Variants in USH1C observed in about 807,000 individuals in gnomAD.
USH1C encodes harmonin.
A neutral mutation model predicts 119.3 loss-of-function variants in USH1C; 90 were observed. The observed-to-expected ratio is 0.75, with a 90% CI of 0.64 to 0.90. USH1C has a LOEUF of 0.90. USH1C is among the 40% of genes least tolerant of loss of function. USH1C has a pLI of 0.00. For missense variants in USH1C, 1,165 were observed against 1,167.7 expected (o/e 1.00, Z 0.03); for synonymous variants, 465 against 443.3 (o/e 1.05, Z -0.62).
chr11:17,527,563 A>T (rs1471219013), intron 4 of USH1C, among the ~76,000 whole-genome samples: 1 of 152,106 alleles, frequency 6.6e-6, no homozygotes, highest in Non-Finnish European at 1.5e-5. Context: ...TGGAGAAACC[A>T]AGACAGGGGT....
Position 17,501,490 on chromosome 11 carries a change from T to A in USH1C, c.2272A>T (p.Ile758Phe), listed in dbSNP as rs145832659. The A allele has an allele frequency of 3.7e-6, 6 of 1,613,030 alleles. No individual in the cohort carries two copies. The highest frequency in any genetic ancestry group is 5.1e-6 in the Non-Finnish European group (6 of 1,179,604). Residue 758 changes from isoleucine (I) to phenylalanine (F), a missense_variant, in exon 22 of 27, where the codon ATC becomes TTC. By Grantham distance (21) the Ile-to-Phe change is conservative. Coordinates refer to ENST00000005226, the MANE Select transcript of USH1C (RefSeq NM_153676.4). ...IMGKDVRLLR[I>F]KKEGSLDLAL... Reference sequence around the variant, plus strand: ...TCCACATGCCCAGGTACCTTCTTGATGCGTAGGAGCCGGACATCCTTCCCC... The same window carrying A: ...TCCACATGCCCAGGTACCTTCTTGAAGCGTAGGAGCCGGACATCCTTCCCC...
chr11:17,530,497 T>C (rs1416526463), intron 4 of USH1C, among the ~76,000 whole-genome samples: 3 of 152,252 alleles, frequency 2.0e-5, no homozygotes, highest in Non-Finnish European at 4.4e-5. Context: ...CTTGTGAGCA[T>C]GTGACCTGGC....
At chr11:17,506,213 G>A (rs556692549) in intron 18 of USH1C, among the ~76,000 whole-genome samples, 1 of 152,328 alleles carries the variant, frequency 6.6e-6, no homozygotes, top group African/African-American at 2.4e-5. Flanking sequence ...GGGGGTGCCA[G>A]CAGCCAGTGT....
Position 17,527,322 on chromosome 11 carries a change from C to T in USH1C, c.397G>A (p.Glu133Lys), listed in dbSNP as rs758424766. The change falls in exon 5 of 27, where the codon GAG becomes AAG. Residue 133 changes from glutamate (E) to lysine (K), a missense_variant. Glu to Lys is a moderately conservative substitution (Grantham distance 56). Transcript: ENST00000005226. ...ADSVGLQVGD[E>K]IVRINGYSIS... ...GAATATCCATTGATCCGGACGATCTCGTCCCCTACCTTGACCACAGAGAGA... is the reference window on the plus strand; with the variant it reads ...GAATATCCATTGATCCGGACGATCTTGTCCCCTACCTTGACCACAGAGAGA... 7 of 1,611,438 alleles carry T rather than the reference C, an allele frequency of 4.3e-6. No individual in the cohort carries two copies. Among genetic ancestry groups the T allele is most frequent in the Non-Finnish European group, 5.1e-6 (6 of 1,179,782 alleles).
chr11:17,507,887 A>G (rs1849711216), intron 18 of USH1C, among the ~76,000 whole-genome samples: 3 of 152,192 alleles, frequency 2.0e-5, no homozygotes, highest in African/African-American at 7.2e-5. Flanking sequence ...GGTGTCTTCA[A>G]TCTTCAGTTA....
At position 17,531,410 on chromosome 11, in the gene USH1C, G is replaced by T. The variant is rs1187656838; in HGVS notation, c.237C>A (p.Pro79=). The change falls in exon 3 of 27, where the codon CCC becomes CCA. Residue 79 remains proline, a synonymous_variant. Transcript: ENST00000005226. The surrounding 1 kb of genome is among the most constrained non-coding windows in gnomAD (Gnocchi z 4.2). ...GGCTTCCTCTGCACCTGGAGCGCCG[G>T]GGGGTCAGCTGATCATATTCCACCT... ...KHQVEYDQLT[P]RRSRKLKEVR... 1 of 1,613,786 alleles carries T rather than the reference G, an allele frequency of 6.2e-7. No homozygotes were observed. Among genetic ancestry groups the T allele is most frequent in the Non-Finnish European group, 8.5e-7 (1 of 1,179,928 alleles).
intron 7 of USH1C, 27 bp downstream of exon 7, chr11:17,526,726 C>T (rs760719187): frequency 1.9e-6 from 3 of 1,612,102 alleles, no homozygotes; most frequent in Non-Finnish European, 2.5e-6. Context: ...CCCACCCAAA[C>T]CCCATCACAG....
Position 17,516,225 on chromosome 11 carries a change from C to A in USH1C, c.1260+16G>T, listed in dbSNP as rs978660665. The A allele has an allele frequency of 1.2e-6, 2 of 1,613,530 alleles. No individual in the cohort carries two copies. Among genetic ancestry groups the A allele is most frequent in the African/African-American group, 1.3e-5 (1 of 74,926 alleles). ...AACTAAGCAGCACACCAGCACAGCACCCAACCCTGTCCTACCTTCCGGATG... is the reference window on the plus strand; with the variant it reads ...AACTAAGCAGCACACCAGCACAGCAACCAACCCTGTCCTACCTTCCGGATG... On this transcript the variant is annotated intron_variant, in intron 15 of 26. Transcript: ENST00000005226.
chr11:17,502,182 G>T, intron 20 of USH1C: 1 of 561,354 alleles, frequency 1.8e-6, no homozygotes, highest in Non-Finnish European at 3.2e-6. Context: ...CAAGCAGGAG[G>T]CTGAGGAAGA....
chr11:17,530,462 C>T (rs1003832582), intron 4 of USH1C, among the ~76,000 whole-genome samples: 6 of 152,336 alleles, frequency 3.9e-5, no homozygotes, highest in South Asian at 2.1e-4. Flanking sequence ...GGGCACGATC[C>T]GTTCAATGCA....
chr11:17,498,300 C>T, intron 23 of USH1C, 29 bp from the exon 24 acceptor site: 1 of 1,607,288 alleles, frequency 6.2e-7, no homozygotes, highest in Non-Finnish European at 8.5e-7. Context: ...GATTGGCCAA[C>T]TGGGCTGTAT....
At chr11:17,539,874 C>T (rs1486030869) in intron 1 of USH1C, among the ~76,000 whole-genome samples, 2 of 147,256 alleles carry the variant, frequency 1.4e-5, no homozygotes, top group Admixed American at 6.8e-5. Flanking sequence ...ACTCTGTCAC[C>T]CAAGCTGGAG....
intron 18 of USH1C, among the ~76,000 whole-genome samples, chr11:17,508,257 G>T (rs116909048): frequency 1.3e-5 from 2 of 152,186 alleles, no homozygotes; most frequent in African/African-American, 4.8e-5. Flanking sequence ...CAGGGCTCAC[G>T]ACCCCAACCA....
intron 1 of USH1C, among the ~76,000 whole-genome samples, chr11:17,542,103 T>C (rs1209871824): frequency 1.3e-5 from 2 of 152,238 alleles, no homozygotes; most frequent in African/African-American, 4.8e-5. Flanking sequence ...ATTCGTTAAA[T>C]ATTGTTATCT....
intron 12 of USH1C, among the ~76,000 whole-genome samples, chr11:17,521,920 C>T (rs1312766152): frequency 2.6e-5 from 4 of 152,184 alleles, no homozygotes; most frequent in Non-Finnish European, 1.5e-5. Flanking sequence ...CCTCTGCCTC[C>T]CAGGTTCAAG....
In USH1C at chr11:17,494,168, C is replaced by T. The variant is rs1250339632; in HGVS notation, c.*164G>A. 5 of 846,896 alleles carry T rather than the reference C, an allele frequency of 5.9e-6. No individual in the cohort carries two copies. The highest frequency in any genetic ancestry group is 1.7e-5 in the African/African-American group (1 of 58,974). The allele number at this position is 846,896 out of a possible 1,614,324, so 52.5% of individuals were successfully genotyped here. On this transcript the variant is annotated 3_prime_UTR_variant, in exon 27 of 27. Coordinates refer to ENST00000005226, the MANE Select transcript of USH1C (RefSeq NM_153676.4). ...CACGTTGGCCTTCAGAAGAGTGGCC[C>T]GAGCTGTTCCTTATCTGGCCCTGGT...
intron 20 of USH1C, among the ~76,000 whole-genome samples, chr11:17,504,126 C>T (rs1249510128): frequency 1.3e-5 from 2 of 152,150 alleles, no homozygotes; most frequent in African/African-American, 4.8e-5. Flanking sequence ...ACTCAGAGGA[C>T]CAGCAAGGAC....
Position 17,531,612 on chromosome 11 carries a change from A to G in USH1C, c.105-70T>C. 3.8e-6 allele frequency: 6 copies of G among 1,591,818 alleles called. No homozygotes were observed. In the South Asian group the frequency reaches 5.6e-5, roughly 15 times the overall value. On this transcript the variant is annotated intron_variant, in intron 2 of 26. Transcript: ENST00000005226. The surrounding 1 kb of genome is among the most constrained non-coding windows in gnomAD (Gnocchi z 4.2). ...ACCTCAGGCACCCAGGGATTCCAAG[A>G]GGAAGCCATTTCAGCCACTGGGCCC...
intron 7 of USH1C, 93 bp from the exon 8 acceptor site, chr11:17,526,534 A>G: frequency 8.2e-7 from 1 of 1,225,212 alleles, no homozygotes; most frequent in Non-Finnish European, 1.2e-6. Context: ...GCACTGCTGA[A>G]CTCACGCCAG....
Sources: gnomAD v4.1 joint callset for allele counts (sites outside exome capture counted in the v4.1 genomes callset) on GRCh38, gnomAD v4.1.1 for gene constraint, Gnocchi (gnomAD v3.1) non-coding constraint, MANE v1.5 for transcripts, NCBI Gene and HGNC (gene_info 2026-07-23, HGNC 2026-07-21) for gene names.